The following RALYL variants were observed in gnomAD, a reference collection of about 807,000 sequenced individuals.
RALYL encodes RALY RNA binding protein like.
RALYL carries 29 observed loss-of-function variants against 35.1 expected under a neutral mutation model. The observed-to-expected ratio is 0.83, with a 90% CI of 0.61 to 1.13. The LOEUF (loss-of-function observed/expected upper bound fraction) is 1.13, where lower values mean the gene tolerates loss of function less well. Among genes scored for constraint, RALYL ranks in the 50% most tolerant of loss-of-function variants. The pLI, the probability that RALYL is intolerant of heterozygous loss-of-function variation, is 0.00. For synonymous variants in RALYL, 120 were observed against 127.6 expected, an observed-to-expected ratio of 0.94 and a Z score of 0.40; for missense variants, 359 against 360.4, an observed-to-expected ratio of 1.00 and a Z score of 0.03.
At chr8:84,310,477 A>G (rs926845466) in intron 1 of RALYL, among the ~76,000 whole-genome samples, 7 of 152,150 alleles carry the variant, frequency 4.6e-5, no homozygotes, top group Non-Finnish European at 4.4e-5. Context: ...GAAAAATGGA[A>G]AACGGCAATA....
intron 1 of RALYL, among the ~76,000 whole-genome samples, chr8:84,348,833 G>T (rs566595363): frequency 7.2e-6 from 1 of 139,302 alleles, no homozygotes; most frequent in Non-Finnish European, 1.6e-5. Context: ...ATCATAAGAT[G>T]CATGGAAAGT....
chr8:84,358,254 TA>T (rs1382822302), intron 1 of RALYL, among the ~76,000 whole-genome samples: 1 of 152,026 alleles, frequency 6.6e-6, no homozygotes, highest in Non-Finnish European at 1.5e-5. Flanking sequence ...TAATTCCTCT[TA>T]AAAAATTAAT....
At chr8:84,777,883 C>T (rs779961389) in intron 3 of RALYL, among the ~76,000 whole-genome samples, 28 of 152,116 alleles carry the variant, frequency 1.8e-4, no homozygotes, top group Non-Finnish European at 2.6e-4. Context: ...CCTCGTGATC[C>T]GCCCACTTCG....
chr8:84,231,754 C>T (rs1017096541), intron 1 of RALYL, among the ~76,000 whole-genome samples: 3 of 152,130 alleles, frequency 2.0e-5, no homozygotes, highest in African/African-American at 7.2e-5. Context: ...CAAACTCTTT[C>T]AAAGTAGTCA....
intron 6 of RALYL, among the ~76,000 whole-genome samples, chr8:84,868,906 C>G (rs907513103): frequency 6.6e-6 from 1 of 151,892 alleles, no homozygotes; most frequent in Non-Finnish European, 1.5e-5. Flanking sequence ...GCAAATTAGC[C>G]TTTTCATATT....
chr8:84,918,849 T>C (rs1848882541), intron 8 of RALYL, among the ~76,000 whole-genome samples: 1 of 152,096 alleles, frequency 6.6e-6, no homozygotes, highest in South Asian at 2.1e-4. Context: ...TGAAGCTTTA[T>C]GGTAAGAAGG....
intron 2 of RALYL, among the ~76,000 whole-genome samples, chr8:84,638,497 C>T (rs534185204): frequency 2.0e-5 from 3 of 151,402 alleles, no homozygotes; most frequent in African/African-American, 7.3e-5. Context: ...ATAAAAAATG[C>T]AAAAGATAAA....
rs149614797 is a variant in RALYL, at chr8:84,717,176, G to A, written c.257-57403G>A. On this transcript the variant is annotated intron_variant, in intron 2 of 8. Transcript: ENST00000521268. ...CACTCCAACCTGGGCGACAGAGCGG[G>A]ACTCCGTCTCAAAAAAAGATCATAG... Among the ~76,000 whole-genome samples the A allele has an allele frequency of 4.1e-3, 628 of 152,244 alleles. 7 individuals are homozygous for A. Among genetic ancestry groups the A allele is most frequent in the African/African-American group, 0.014 (573 of 41,538 alleles).
At position 84,272,314 on chromosome 8, in the gene RALYL, G is replaced by A. The variant is rs563465452; in HGVS notation, c.-24+87890G>A. On this transcript the variant is annotated intron_variant, in intron 1 of 8. Coordinates refer to ENST00000521268, the MANE Select transcript of RALYL (RefSeq NM_173848.7). The stretch of plus-strand genomic sequence containing the variant: ...TCATCATGTTGGCCAGGCTGGTCTC[G>A]AACTCCTGACCTCAGGTGATCCACC... 4.6e-5 allele frequency among the ~76,000 whole-genome samples: 7 copies of A among 152,034 alleles called. No homozygotes were observed. In the East Asian group the frequency reaches 1.2e-3, roughly 25 times the overall value.
intron 2 of RALYL, among the ~76,000 whole-genome samples, chr8:84,639,250 ATATGG>A (rs1588681418): frequency 1.3e-5 from 2 of 151,856 alleles, no homozygotes; most frequent in South Asian, 2.1e-4. Flanking sequence ...AAGAAAAAAC[ATATGG>A]CAGTTAGAAC....
At chr8:84,689,975 G>T (rs181911070) in intron 2 of RALYL, among the ~76,000 whole-genome samples, 145 of 152,206 alleles carry the variant, frequency 9.5e-4, no homozygotes, top group African/African-American at 3.2e-3. Context: ...CAGTATTGAG[G>T]TTCCTCAAAA....
chr8:84,477,835 G>A (rs542254362), intron 1 of RALYL, among the ~76,000 whole-genome samples: 1 of 151,820 alleles, frequency 6.6e-6, no homozygotes, highest in Non-Finnish European at 1.5e-5. Flanking sequence ...CCCTTATGGA[G>A]TAAGAGGAAG....
At chr8:84,303,802 T>C (rs1841263675) in intron 1 of RALYL, among the ~76,000 whole-genome samples, 1 of 152,222 alleles carries the variant, frequency 6.6e-6, no homozygotes, top group Non-Finnish European at 1.5e-5. Context: ...CTATGATTTA[T>C]GGGTATTTCC....
intron 1 of RALYL, among the ~76,000 whole-genome samples, chr8:84,316,363 A>G (rs1377648483): frequency 6.6e-6 from 1 of 152,134 alleles, no homozygotes; most frequent in Non-Finnish European, 1.5e-5. Context: ...TTCTCAAAGT[A>G]TTTCTATAAT....
intron 2 of RALYL, among the ~76,000 whole-genome samples, chr8:84,616,910 G>A (rs1204105411): frequency 1.3e-5 from 2 of 150,420 alleles, no homozygotes; most frequent in Admixed American, 1.3e-4. Flanking sequence ...GTAGATATGT[G>A]GCATTATTTC....
At chr8:84,360,203 G>A (rs904645769) in intron 1 of RALYL, among the ~76,000 whole-genome samples, 2 of 152,148 alleles carry the variant, frequency 1.3e-5, no homozygotes, top group Admixed American at 1.3e-4. Flanking sequence ...GGAGCACAAA[G>A]TGTTACTTGA....
chr8:84,693,370 T>G (rs1258338170), intron 2 of RALYL, among the ~76,000 whole-genome samples: 1 of 151,514 alleles, frequency 6.6e-6, no homozygotes, highest in Non-Finnish European at 1.5e-5. Context: ...GAAGAAGAAA[T>G]GTCAAGCAAA....
At chr8:84,822,424 C>G (rs1308743335) in intron 4 of RALYL, among the ~76,000 whole-genome samples, 1 of 152,146 alleles carries the variant, frequency 6.6e-6, no homozygotes, top group Non-Finnish European at 1.5e-5. Context: ...GATTTGATAG[C>G]ATTGCTGCCC....
At chr8:84,351,370 G>C (rs1262967207) in intron 1 of RALYL, among the ~76,000 whole-genome samples, 2 of 150,004 alleles carry the variant, frequency 1.3e-5, no homozygotes, top group Non-Finnish European at 3.0e-5. Flanking sequence ...TATTTTAAAT[G>C]TGAATTTTGC....
Sources: gnomAD v4.1 joint callset for allele counts (sites outside exome capture counted in the v4.1 genomes callset) on GRCh38, gnomAD v4.1.1 for gene constraint, MANE v1.5 for transcripts, NCBI Gene and HGNC (gene_info 2026-07-23, HGNC 2026-07-21) for gene names.